Variants in ZC2HC1A observed in about 807,000 individuals in gnomAD.
ZC2HC1A encodes the protein zinc finger C2HC domain-containing protein 1A.
ZC2HC1A carries 28 observed loss-of-function variants against 40.7 expected under a neutral mutation model. That is an observed-to-expected ratio of 0.69 (90% CI 0.51 to 0.94). The LOEUF (loss-of-function observed/expected upper bound fraction) is 0.94, where lower values mean the gene tolerates loss of function less well. Ranked by LOEUF, ZC2HC1A falls within the 40% of genes least tolerant of loss-of-function variation. ZC2HC1A has a pLI of 0.00. For synonymous variants in ZC2HC1A, 129 were observed against 129.2 expected (o/e 1.00, Z 0.01); for missense variants, 389 against 386.3 (o/e 1.01, Z -0.06).
At chr8:78,692,363 T>A (rs949154910) in intron 5 of ZC2HC1A, among the ~76,000 whole-genome samples, 5 of 152,162 alleles carry the variant, frequency 3.3e-5, no homozygotes, top group Non-Finnish European at 5.9e-5. Context: ...ATTATTACTA[T>A]TTTTTAATCC....
chr8:78,668,042 GC>G (rs1010236929), intron 1 of ZC2HC1A, among the ~76,000 whole-genome samples: 1 of 151,708 alleles, frequency 6.6e-6, no homozygotes, highest in Non-Finnish European at 1.5e-5. Flanking sequence ...ATGTGAAGTT[GC>G]CCTAAATTAT....
At chr8:78,715,435 A>AT (rs565716971) in intron 8 of ZC2HC1A, 107 bp downstream of exon 8, 329 of 1,047,508 alleles carry the variant, frequency 3.1e-4, no homozygotes, top group Non-Finnish European at 4.0e-4. Flanking sequence ...AGAAAACCTG[A>AT]TTTTTTTCTT....
At chr8:78,716,065 A>G (rs956192840) in intron 8 of ZC2HC1A, among the ~76,000 whole-genome samples, 2 of 149,888 alleles carry the variant, frequency 1.3e-5, no homozygotes, top group African/African-American at 4.9e-5. Context: ...AGGCTGTTAT[A>G]GTGTATAGTT....
chr8:78,668,226 C>T (rs920287749), intron 1 of ZC2HC1A, among the ~76,000 whole-genome samples: 2 of 151,952 alleles, frequency 1.3e-5, no homozygotes, highest in Non-Finnish European at 2.9e-5. Context: ...TTAAGGTTAC[C>T]GTTCATTAAT....
Position 78,717,595 on chromosome 8 carries a change from C to G in ZC2HC1A, c.*102C>G. The G allele has an allele frequency of 1.6e-6, 2 of 1,259,962 alleles. No individual in the cohort carries two copies. The highest frequency in any genetic ancestry group is 1.5e-5 in the African/African-American group (1 of 66,570). 78.0% of individuals were successfully genotyped at this position (1,259,962 alleles called of 1,614,324 possible). The stretch of plus-strand genomic sequence containing the variant: ...CTAGTTAGTTTGTGCTAAAAATACT[C>G]GAAATACCATTTCCAGTTAATTTTG... On this transcript the variant is annotated 3_prime_UTR_variant, in exon 9 of 9. Coordinates refer to ENST00000263849, the MANE Select transcript of ZC2HC1A (RefSeq NM_016010.3).
chr8:78,704,926 T>C (rs1481505327), intron 7 of ZC2HC1A, among the ~76,000 whole-genome samples: 1 of 152,228 alleles, frequency 6.6e-6, no homozygotes, highest in Non-Finnish European at 1.5e-5. Flanking sequence ...GAAATTCTTG[T>C]AGTGTGTTTT....
intron 8 of ZC2HC1A, 49 bp downstream of exon 8, chr8:78,715,377 G>T (rs779424018): frequency 6.6e-7 from 1 of 1,508,924 alleles, no homozygotes; most frequent in Non-Finnish European, 9.0e-7. Flanking sequence ...TTGAGTATAT[G>T]ATAGTTTTCC....
In ZC2HC1A at chr8:78,687,340, GT is replaced by G. The variant is rs202016610; in HGVS notation, c.352+737del. ...TTCTTTAGCAAATCTAGATATGATCGTTTTTGACATTTTATTGTAGAGGAGA... is the reference window on the plus strand; with the variant it reads ...TTCTTTAGCAAATCTAGATATGATCGTTTTGACATTTTATTGTAGAGGAGA... On this transcript the variant is annotated intron_variant, in intron 4 of 8. Transcript: ENST00000263849. 3.4e-3 allele frequency among the ~76,000 whole-genome samples: 512 copies of G among 151,116 alleles called. 4 individuals are homozygous for G. Among genetic ancestry groups the G allele is most frequent in the African/African-American group, 0.012 (479 of 41,248 alleles).
intron 8 of ZC2HC1A, among the ~76,000 whole-genome samples, chr8:78,716,884 G>C (rs1472304638): frequency 6.6e-6 from 1 of 152,052 alleles, no homozygotes; most frequent in Non-Finnish European, 1.5e-5. Flanking sequence ...TATAGTACCT[G>C]CCCCTTCTCT....
At chr8:78,669,501 C>T (rs13269243) in intron 1 of ZC2HC1A, among the ~76,000 whole-genome samples, 104,217 of 147,748 alleles carry the variant, frequency 0.71, 36,569 homozygotes, top group East Asian at 0.91. Flanking sequence ...TTGGGAGGAG[C>T]GAAGGAAACA....
intron 3 of ZC2HC1A, among the ~76,000 whole-genome samples, chr8:78,682,854 G>A (rs977970752): frequency 6.6e-6 from 1 of 152,066 alleles, no homozygotes; most frequent in Admixed American, 6.5e-5. Context: ...GATACAATAG[G>A]GATACAGACA....
At chr8:78,681,999 T>C (rs971622959) in intron 3 of ZC2HC1A, among the ~76,000 whole-genome samples, 4 of 151,572 alleles carry the variant, frequency 2.6e-5, no homozygotes, top group African/African-American at 9.7e-5. Context: ...CACTTTCACC[T>C]CCCAAAATGT....
At chr8:78,704,157 G>A (rs538485322) in intron 7 of ZC2HC1A, among the ~76,000 whole-genome samples, 4 of 152,188 alleles carry the variant, frequency 2.6e-5, no homozygotes, top group South Asian at 2.1e-4. Context: ...CGAGGCGAGC[G>A]GATCACCTGA....
At chr8:78,690,209 C>A (rs572692101) in intron 5 of ZC2HC1A, among the ~76,000 whole-genome samples, 3 of 152,240 alleles carry the variant, frequency 2.0e-5, no homozygotes, top group Admixed American at 2.0e-4. Flanking sequence ...GAATAGTGAA[C>A]CTTAATAAGC....
intron 1 of ZC2HC1A, among the ~76,000 whole-genome samples, 199 bp from the exon 2 acceptor site, chr8:78,675,588 A>G (rs991487733): frequency 7.2e-5 from 11 of 151,954 alleles, no homozygotes; most frequent in Non-Finnish European, 1.6e-4. Flanking sequence ...ACTCCTCCAT[A>G]TTTATCCTGA....
At chr8:78,681,270 T>A (rs1327800262) in intron 3 of ZC2HC1A, among the ~76,000 whole-genome samples, 1 of 151,978 alleles carries the variant, frequency 6.6e-6, no homozygotes, top group African/African-American at 2.4e-5. Context: ...TGCTGAATAG[T>A]AGAAATGAAT....
At chr8:78,705,156 G>C (rs1033842609) in intron 7 of ZC2HC1A, among the ~76,000 whole-genome samples, 23 of 152,206 alleles carry the variant, frequency 1.5e-4, no homozygotes, top group Non-Finnish European at 1.9e-4. Context: ...CCTGATTCCT[G>C]TTGGAGAGGT....
rs545029699 is a variant in ZC2HC1A at position 78,673,991 on chromosome 8, C to T, written c.17-1796C>T. On this transcript the variant is annotated intron_variant, in intron 1 of 8. Transcript: ENST00000263849. ...AAAACATTTTAAACATGTTTGATAA[C>T]TTGTGGAAATTAATGTCAAGAACTG... Among the ~76,000 whole-genome samples, 253 of 151,930 alleles carry T rather than the reference C, an allele frequency of 1.7e-3. 1 individual carries two copies. The highest frequency in any genetic ancestry group is 2.7e-3 in the Non-Finnish European group (185 of 67,970).
chr8:78,689,454 C>A (rs1018236895), intron 5 of ZC2HC1A, 81 bp downstream of exon 5: 75 of 1,311,676 alleles, frequency 5.7e-5, no homozygotes, highest in Non-Finnish European at 7.3e-5. Flanking sequence ...CTTTTCATGA[C>A]ATTAGACTAT....
Sources: gnomAD v4.1 joint callset for allele counts (sites outside exome capture counted in the v4.1 genomes callset) on GRCh38, gnomAD v4.1.1 for gene constraint, MANE v1.5 for transcripts, NCBI Gene and HGNC (gene_info 2026-07-23, HGNC 2026-07-21) for gene names.